The following ATP9A variants were observed in gnomAD, a reference collection of about 807,000 sequenced individuals.
The protein encoded by ATP9A is probable phospholipid-transporting ATPase IIA.
ATP9A carries 52 observed loss-of-function variants against 144.1 expected under a neutral mutation model. The ratio of observed to expected loss-of-function variants is 0.36; its 90% CI spans 0.29 to 0.45. The LOEUF (loss-of-function observed/expected upper bound fraction) is 0.45, where lower values mean the gene tolerates loss of function less well. ATP9A is among the 20% of genes least tolerant of loss of function. The pLI is 1.00. For synonymous variants in ATP9A, 582 were observed against 557.4 expected (o/e 1.04, Z -0.62); for missense variants, 947 against 1,392.7 (o/e 0.68, Z 5.09).
chr20:51,683,430 G>GATT (rs141282258), intron 9 of ATP9A, among the ~76,000 whole-genome samples: 17 of 150,838 alleles, frequency 1.1e-4, no homozygotes, highest in East Asian at 1.0e-3. Context: ...ACGCCCAGCT[G>GATT]ATTATTATTA....
At position 51,710,445 on chromosome 20, in the gene ATP9A, C is replaced by T. The variant is rs1269138794; in HGVS notation, c.436+2521G>A. Among the ~76,000 whole-genome samples the T allele has an allele frequency of 5.3e-5, 8 of 152,152 alleles. No homozygotes were observed. The South Asian group carries it at 1.0e-3, about 20-fold the overall frequency. ...CTCAAGGAAATATTATGAAGGAATT[C>T]GACAGGAAAGTCAAAAAAGGCTTCT... is the stretch of plus-strand genomic sequence containing the variant. On this transcript the variant is annotated intron_variant, in intron 4 of 27. Coordinates refer to ENST00000338821, the MANE Select transcript of ATP9A (RefSeq NM_006045.3).
intron 3 of ATP9A, among the ~76,000 whole-genome samples, chr20:51,724,461 C>A (rs2077703803): frequency 6.6e-6 from 1 of 152,236 alleles, no homozygotes; most frequent in African/African-American, 2.4e-5. Flanking sequence ...CACAGCCACA[C>A]AGGCTAAGGC....
At chr20:51,748,241 G>A (rs1455545098) in intron 1 of ATP9A, among the ~76,000 whole-genome samples, 1 of 152,148 alleles carries the variant, frequency 6.6e-6, no homozygotes, top group African/African-American at 2.4e-5. Flanking sequence ...AGCCAAAAGT[G>A]TGAGACCGGC....
In ATP9A at chr20:51,755,157, G is replaced by A. The variant is rs150089797; in HGVS notation, c.68+13145C>T. On this transcript the variant is annotated intron_variant, in intron 1 of 27. Coordinates refer to ENST00000338821, the MANE Select transcript of ATP9A (RefSeq NM_006045.3). ...AAGTAATAAATAAATAAATTTATTG[G>A]CTGGGCGTGATGGCTCACGCCTGTA... Among the ~76,000 whole-genome samples the A allele has an allele frequency of 3.8e-4, 58 of 151,772 alleles. 1 individual carries two copies. In the East Asian group the frequency reaches 9.5e-3, roughly 25 times the overall value.
intron 19 of ATP9A, among the ~76,000 whole-genome samples, chr20:51,619,300 ATGCC>A (rs2077216503): frequency 6.6e-6 from 1 of 152,240 alleles, no homozygotes; most frequent in African/African-American, 2.4e-5. Context: ...GCAGTGGCTC[ATGCC>A]TGTAATCCCA....
intron 14 of ATP9A, among the ~76,000 whole-genome samples, chr20:51,644,175 C>G (rs546451671): frequency 6.6e-6 from 1 of 151,832 alleles, no homozygotes; most frequent in East Asian, 1.9e-4. Flanking sequence ...AAAAATTATC[C>G]CATCTGTCTA....
chr20:51,730,633 T>G (rs2077736913), intron 1 of ATP9A, among the ~76,000 whole-genome samples: 1 of 152,206 alleles, frequency 6.6e-6, no homozygotes, highest in South Asian at 2.1e-4. Flanking sequence ...TGCCATCACC[T>G]GCTATGCACT....
At chr20:51,708,416 A>G (rs1309546757) in intron 4 of ATP9A, among the ~76,000 whole-genome samples, 1 of 152,164 alleles carries the variant, frequency 6.6e-6, no homozygotes, top group Non-Finnish European at 1.5e-5. Context: ...ATGAGTTCCT[A>G]TTAATGAGGA....
intron 5 of ATP9A, among the ~76,000 whole-genome samples, chr20:51,696,897 A>G (rs1297117787): frequency 6.6e-6 from 1 of 152,192 alleles, no homozygotes; most frequent in Non-Finnish European, 1.5e-5. Flanking sequence ...CTAGAAAAAG[A>G]CATGAGTGTT....
rs8116559 is a variant in ATP9A at position 51,644,336 on chromosome 20, G to A, written c.1507-4832C>T. On this transcript the variant is annotated intron_variant, in intron 14 of 27. Coordinates refer to ENST00000338821, the MANE Select transcript of ATP9A (RefSeq NM_006045.3). Reference sequence around the variant, plus strand: ...TGCCCAGGTTGGAGTGCAGTGGCGCGATCTCGGCTCACTGCAAACTCCACC... The same window carrying A: ...TGCCCAGGTTGGAGTGCAGTGGCGCAATCTCGGCTCACTGCAAACTCCACC... Among the ~76,000 whole-genome samples, 4 of 140,320 alleles carry A rather than the reference G, an allele frequency of 2.9e-5. No individual in the cohort carries two copies. The East Asian group carries it at 8.4e-4, about 30-fold the overall frequency. 92.1% of individuals were successfully genotyped at this position (140,320 alleles called of 152,430 possible). A position where few individuals can be genotyped will look rare whatever the true frequency, so the allele number is the denominator to read the frequency against.
rs936612944 is a variant in ATP9A, at chr20:51,657,089, A to G, written c.1355T>C (p.Met452Thr). The change falls in exon 14 of 28, where the codon ATG (methionine) becomes ACG (threonine). Residue 452 changes from methionine to threonine, a missense_variant. Met to Thr is a moderately conservative substitution (Grantham distance 81, BLOSUM62 -1). This residue lies in a region of ATP9A where 770 missense variants were observed against 1,047.9 expected (regional missense o/e 0.73). Coordinates refer to ENST00000338821, the MANE Select transcript of ATP9A (RefSeq NM_006045.3). Reference protein sequence around the residue: ...PTLTTKVRRTMSSRVHEAVKA... With the variant: ...PTLTTKVRRTTSSRVHEAVKA... ...CACGGCTTCGTGCACGCGGCTGCTC[A>G]TGGTCCGCCGGACCTTAGTGGTGAG... 6.2e-7 allele frequency: 1 copy of G among 1,614,168 alleles called. No homozygotes were observed. The highest frequency in any genetic ancestry group is 8.5e-7 in the Non-Finnish European group (1 of 1,180,022).
intron 1 of ATP9A, among the ~76,000 whole-genome samples, chr20:51,758,144 G>A (rs1225685155): frequency 6.6e-6 from 1 of 152,082 alleles, no homozygotes; most frequent in Non-Finnish European, 1.5e-5. Context: ...ACACAAGAAA[G>A]CAAGTATCAT....
At chr20:51,635,503 C>T (rs368505452) in intron 15 of ATP9A, among the ~76,000 whole-genome samples, 87 of 152,064 alleles carry the variant, frequency 5.7e-4, no homozygotes, top group African/African-American at 2.0e-3. Flanking sequence ...TTTGGGAGGT[C>T]GAGATGGGAG....
chr20:51,751,177 T>C (rs564325165), intron 1 of ATP9A, among the ~76,000 whole-genome samples: 4 of 152,216 alleles, frequency 2.6e-5, no homozygotes, highest in Admixed American at 6.6e-5. Context: ...CTGAAGCCCA[T>C]TGTGGGCCCT....
chr20:51,761,058 T>C (rs1222369913), intron 1 of ATP9A, among the ~76,000 whole-genome samples: 2 of 151,950 alleles, frequency 1.3e-5, no homozygotes, highest in East Asian at 1.9e-4. Context: ...GTCCTGAGAG[T>C]AATGAGAGTC....
rs78513164 is a variant in ATP9A at position 51,651,644 on chromosome 20, T to C, written c.1506+5294A>G. Among the ~76,000 whole-genome samples, 667 of 152,128 alleles carry C rather than the reference T, an allele frequency of 4.4e-3. 6 individuals carry two copies. The highest frequency in any genetic ancestry group is 0.015 in the African/African-American group (616 of 41,506). On this transcript the variant is annotated intron_variant, in intron 14 of 27. Transcript: ENST00000338821. ...TAGTACTTGTGATTTTAAAACCTTT[T>C]TTGGCCAGGAGTGGTGGCTCACGCT...
intron 4 of ATP9A, among the ~76,000 whole-genome samples, chr20:51,709,864 C>T (rs773571708): frequency 2.6e-5 from 4 of 152,142 alleles, no homozygotes; most frequent in Non-Finnish European, 5.9e-5. Context: ...AATTTAACTA[C>T]AATAATACAA....
intron 14 of ATP9A, among the ~76,000 whole-genome samples, chr20:51,651,111 G>A (rs572805776): frequency 7.1e-6 from 1 of 140,642 alleles, no homozygotes; most frequent in South Asian, 2.2e-4. Flanking sequence ...TTAATTATAT[G>A]TACTACAGCA....
chr20:51,768,260 G>C (rs1366963995), intron 1 of ATP9A, 42 bp downstream of exon 1: 8 of 1,210,280 alleles, frequency 6.6e-6, no homozygotes, highest in South Asian at 7.2e-5. Flanking sequence ...CCGGGCTCCG[G>C]GAGGCGCGGA....
Sources: gnomAD v4.1 joint callset for allele counts (sites outside exome capture counted in the v4.1 genomes callset) on GRCh38, gnomAD v4.1.1 for gene constraint, gnomAD v4.1.1 regional missense constraint, MANE v1.5 for transcripts, NCBI Gene and HGNC (gene_info 2026-07-23, HGNC 2026-07-21) for gene names.